The following SLC12A9 variants were observed in gnomAD, a reference collection of about 807,000 sequenced individuals.
SLC12A9 encodes CCC-interacting protein 1.
In SLC12A9, 55 loss-of-function variants were observed where a neutral mutation model predicts 66.0. The observed-to-expected ratio is 0.83, with a 90% CI of 0.67 to 1.04. SLC12A9 has a LOEUF of 1.04. Ranked by LOEUF, SLC12A9 falls within the 50% of genes least tolerant of loss-of-function variation. The pLI, the probability that SLC12A9 is intolerant of heterozygous loss-of-function variation, is 0.00. For missense variants in SLC12A9, 1,061 were observed against 1,241.9 expected (o/e 0.85, Z 2.19); for synonymous variants, 577 against 569.0 (o/e 1.01, Z -0.20).
rs758932919 is a variant in SLC12A9 at position 100,865,671 on chromosome 7, T to C, written c.1859-48T>C. The C allele has an allele frequency of 2.6e-6, 4 of 1,567,202 alleles. No homozygotes were observed. In the South Asian group the frequency reaches 4.8e-5, roughly 19 times the overall value. On this transcript the variant is annotated intron_variant, in intron 13 of 13. Coordinates refer to ENST00000354161, the MANE Select transcript of SLC12A9 (RefSeq NM_020246.4). The stretch of plus-strand genomic sequence containing the variant: ...GTGGGAGCGTGGTGTAAACTTAGCC[T>C]GTGAGCCTGACTCCTGTCTGTTCCT...
chr7:100,858,748 G>A (rs1260460041), intron 5 of SLC12A9, 87 bp from the exon 6 acceptor site: 13 of 1,276,012 alleles, frequency 1.0e-5, no homozygotes, highest in South Asian at 7.5e-5. Context: ...CAAGAGGACC[G>A]TGGGAATGTG....
chr7:100,850,657 C>T (rs1332313023), upstream of SLC12A9, among the ~76,000 whole-genome samples: 1 of 152,052 alleles, frequency 6.6e-6, no homozygotes, highest in Non-Finnish European at 1.5e-5. Flanking sequence ...TTTCAGCCTC[C>T]TGAGTAGCTG....
intron 7 of SLC12A9, 33 bp from the exon 8 acceptor site, chr7:100,859,852 G>A (rs779085081): frequency 3.2e-6 from 5 of 1,576,670 alleles, no homozygotes; most frequent in South Asian, 1.1e-5. Flanking sequence ...CGTGACGCAT[G>A]ATCATCCGTG....
At chr7:100,837,163 G>T (rs1372332323) in intron 1 of SLC12A9, among the ~76,000 whole-genome samples, 1 of 151,868 alleles carries the variant, frequency 6.6e-6, no homozygotes, top group Non-Finnish European at 1.5e-5. Flanking sequence ...GGCTGGTCTC[G>T]AACACCTGGG....
intron 7 of SLC12A9, 138 bp downstream of exon 7, chr7:100,859,299 CTATA>C: frequency 1.6e-5 from 12 of 767,812 alleles, no homozygotes; most frequent in Non-Finnish European, 2.6e-5. Context: ...GATTGACAAC[CTATA>C]GCCAGCAGCT....
At chr7:100,855,245 C>A (rs1021351984) in intron 3 of SLC12A9, among the ~76,000 whole-genome samples, 1 of 152,166 alleles carries the variant, frequency 6.6e-6, no homozygotes, top group Non-Finnish European at 1.5e-5. Flanking sequence ...ATCTCAGCCT[C>A]CTGAGTAGCC....
rs1814735511 is a variant in SLC12A9 at position 100,861,300 on chromosome 7, G to A, written c.1343+38G>A. 6.2e-7 allele frequency: 1 copy of A among 1,613,628 alleles called. No homozygotes were observed. The highest frequency in any genetic ancestry group is 1.3e-5 in the African/African-American group (1 of 75,052). On this transcript the variant is annotated intron_variant, in intron 10 of 13. Coordinates refer to ENST00000354161, the MANE Select transcript of SLC12A9 (RefSeq NM_020246.4). The surrounding 1 kb of genome is among the most constrained non-coding windows in gnomAD (Gnocchi z 5.3). ...GATCTGTGTCCCCAGAGAGAAGAAG[G>A]GAGGACTCGGGCTCAGGCGTGGGGC... is the stretch of plus-strand genomic sequence containing the variant.
In SLC12A9 at chr7:100,854,677, A is replaced by G. The variant is rs1197492194; in HGVS notation, c.239A>G (p.Tyr80Cys). 4 of 1,613,770 alleles carry G rather than the reference A, an allele frequency of 2.5e-6. No individual in the cohort carries two copies. The highest frequency in any genetic ancestry group is 1.3e-5 in the African/African-American group (1 of 74,802). ...LQALAMLLVA[Y>C]FILALTVLSV... ...GCCCTGGCCATGCTGCTGGTTGCCT[A>G]CTTCATCCTGGCACTCACCGTCCTC... Residue 80 changes from tyrosine to cysteine, a missense_variant, in exon 3 of 14, where the codon TAC becomes TGC. Tyr to Cys is a radical substitution (Grantham distance 194, BLOSUM62 -2). Transcript: ENST00000354161.
chr7:100,858,769 G>T, intron 5 of SLC12A9, 66 bp from the exon 6 acceptor site: 2 of 1,483,518 alleles, frequency 1.3e-6, no homozygotes, highest in Non-Finnish European at 1.9e-6. Context: ...TGGAGAGGGT[G>T]GCTAAGAGGC....
At chr7:100,830,464 A>T (rs1813522734) in intron 1 of SLC12A9, among the ~76,000 whole-genome samples, 1 of 152,068 alleles carries the variant, frequency 6.6e-6, no homozygotes, top group South Asian at 2.1e-4. Flanking sequence ...GTTTCAGTCC[A>T]GGAGTTTGAG....
chr7:100,858,270 G>C (rs927999758), intron 5 of SLC12A9: 2 of 152,390 alleles, frequency 1.3e-5, no homozygotes, highest in African/African-American at 4.8e-5. Flanking sequence ...AAATTAGCCA[G>C]GCGTGGTGGC....
exon 1 of SLC12A9, chr7:100,826,891 G>C (rs1055262411): frequency 2.7e-6 from 4 of 1,466,310 alleles, no homozygotes; most frequent in Non-Finnish European, 3.7e-6. Context: ...GGGGTAGTCA[G>C]AGGCCGGCCC....
chr7:100,839,451 C>G (rs1054859430), intron 1 of SLC12A9, among the ~76,000 whole-genome samples: 1 of 152,212 alleles, frequency 6.6e-6, no homozygotes, highest in African/African-American at 2.4e-5. Context: ...TTCTGCGCCT[C>G]GTCCTGCTAC....
chr7:100,843,446 C>G (rs1813829413), intron 1 of SLC12A9, among the ~76,000 whole-genome samples: 1 of 152,194 alleles, frequency 6.6e-6, no homozygotes, highest in Non-Finnish European at 1.5e-5. Flanking sequence ...AAAAGAAAAA[C>G]TCATGTCGGC....
At chr7:100,859,428 T>C (rs1814603187) in intron 7 of SLC12A9, 1 of 479,132 alleles carries the variant, frequency 2.1e-6, no homozygotes. Context: ...TACCATTAGG[T>C]ATGACAGCCG....
At chr7:100,862,923 T>C in intron 13 of SLC12A9, 96 bp downstream of exon 13, 1 of 1,464,652 alleles carries the variant, frequency 6.8e-7, no homozygotes, top group Non-Finnish European at 9.4e-7. Context: ...GATTGCAAAC[T>C]GCAAAAGGAC....
At chr7:100,856,111 A>T (rs1366280167) in intron 4 of SLC12A9, 2 of 272,032 alleles carry the variant, frequency 7.4e-6, no homozygotes, top group South Asian at 6.8e-5. Context: ...GCTAGGATGG[A>T]GCTAAGAGGG....
chr7:100,835,203 A>G (rs928680280), intron 1 of SLC12A9, among the ~76,000 whole-genome samples: 5 of 151,920 alleles, frequency 3.3e-5, no homozygotes, highest in African/African-American at 1.2e-4. Flanking sequence ...TAAAAACACA[A>G]AAATTAGCTG....
At chr7:100,831,817 G>A (rs1053690009) in intron 1 of SLC12A9, among the ~76,000 whole-genome samples, 4 of 152,110 alleles carry the variant, frequency 2.6e-5, no homozygotes, top group Admixed American at 6.6e-5. Flanking sequence ...TAACTGTGTC[G>A]GGTCCAAAGT....
Sources: allele counts gnomAD v4.1 joint callset (sites outside exome capture counted in the v4.1 genomes callset), GRCh38; gene constraint gnomAD v4.1.1; non-coding constraint Gnocchi (gnomAD v3.1); transcripts MANE v1.5; gene names NCBI Gene and HGNC (gene_info 2026-07-23, HGNC 2026-07-21).